Variants in SYNPR observed in about 807,000 individuals in gnomAD.
The protein encoded by SYNPR is synaptoporin.
Under a neutral mutation model 32.9 loss-of-function variants are expected in SYNPR, and 23 were observed. That is an observed-to-expected ratio of 0.70 (90% confidence interval 0.50 to 0.99). The LOEUF (loss-of-function observed/expected upper bound fraction) is 0.99. SYNPR is among the 50% of genes least tolerant of loss of function. The pLI, the probability that SYNPR is intolerant of heterozygous loss-of-function variation, is 0.00. For synonymous variants in SYNPR, 146 were observed against 135.9 expected, an observed-to-expected ratio of 1.07 and a Z score of -0.52; for missense variants, 318 against 349.3, an observed-to-expected ratio of 0.91 and a Z score of 0.71.
chr3:63,607,191 T>A (rs73120772), intron 4 of SYNPR, among the ~76,000 whole-genome samples: 15,831 of 152,180 alleles, frequency 0.1, 834 homozygotes, highest in Non-Finnish European at 0.13. Flanking sequence ...CTAACAAATA[T>A]GTACTGTCAA....
upstream of SYNPR, among the ~76,000 whole-genome samples, chr3:63,227,106 C>T (rs776465407): frequency 4.6e-5 from 7 of 152,056 alleles, no homozygotes; most frequent in Non-Finnish European, 1.0e-4. Context: ...CCTCATTCAC[C>T]CCATAGGGAC....
At chr3:63,550,303 T>C (rs1559533691) in intron 3 of SYNPR, among the ~76,000 whole-genome samples, 1 of 151,476 alleles carries the variant, frequency 6.6e-6, no homozygotes, top group African/African-American at 2.4e-5. Context: ...AGTTCTTATA[T>C]ATAAGCTCTT....
At chr3:63,542,527 C>A (rs1027098126) in intron 3 of SYNPR, among the ~76,000 whole-genome samples, 2 of 152,028 alleles carry the variant, frequency 1.3e-5, no homozygotes, top group African/African-American at 2.4e-5. Flanking sequence ...TAAGTCTGAC[C>A]TCTATTTTCC....
chr3:63,489,743 T>A (rs905924365), intron 3 of SYNPR, among the ~76,000 whole-genome samples: 10 of 152,160 alleles, frequency 6.6e-5, no homozygotes, highest in Non-Finnish European at 1.0e-4. Context: ...ATGTACATAT[T>A]TTTACAGTTG....
chr3:63,550,662 T>G (rs182746196), intron 3 of SYNPR, among the ~76,000 whole-genome samples: 187 of 152,360 alleles, frequency 1.2e-3, no homozygotes, highest in Admixed American at 4.2e-3. Context: ...AGTTTGTGCA[T>G]GTCAGCTGAA....
At chr3:63,255,994 A>G (rs558531726) in intron 2 of SYNPR, among the ~76,000 whole-genome samples, 19 of 152,310 alleles carry the variant, frequency 1.2e-4, no homozygotes, top group African/African-American at 4.3e-4. Flanking sequence ...TCTGAGATCA[A>G]ACTGCAAGGC....
chr3:63,384,138 C>A (rs573327085), intron 2 of SYNPR, among the ~76,000 whole-genome samples: 72 of 152,334 alleles, frequency 4.7e-4, no homozygotes, highest in African/African-American at 1.7e-3. Context: ...CTAATGCCTA[C>A]TCATTTGCTC....
At chr3:63,254,807 A>G (rs1480426845) in intron 2 of SYNPR, among the ~76,000 whole-genome samples, 1 of 152,174 alleles carries the variant, frequency 6.6e-6, no homozygotes, top group South Asian at 2.1e-4. Context: ...GTTATGTATA[A>G]TTTACATATA....
intron 4 of SYNPR, among the ~76,000 whole-genome samples, chr3:63,591,099 C>G (rs1382356804): frequency 6.7e-6 from 1 of 150,110 alleles, no homozygotes; most frequent in Admixed American, 6.6e-5. Context: ...TGAACTCAAA[C>G]AAATTTACGA....
chr3:63,237,345 C>T (rs2086207586), intron 1 of SYNPR, among the ~76,000 whole-genome samples: 1 of 151,972 alleles, frequency 6.6e-6, no homozygotes, highest in Admixed American at 6.6e-5. Flanking sequence ...CCGAGGCCAA[C>T]CAGTGAGTGT....
chr3:63,459,193 C>T (rs1297477608), intron 2 of SYNPR, among the ~76,000 whole-genome samples: 1 of 152,078 alleles, frequency 6.6e-6, no homozygotes, highest in Non-Finnish European at 1.5e-5. Context: ...CCCAAATTAC[C>T]TGTCCAGATT....
chr3:63,525,774 C>T (rs934049806), intron 3 of SYNPR, among the ~76,000 whole-genome samples: 8 of 152,162 alleles, frequency 5.3e-5, no homozygotes, highest in African/African-American at 9.7e-5. Flanking sequence ...AGGGTTTGGC[C>T]ATGAACCAGG....
chr3:63,380,766 G>A (rs1455376213), intron 2 of SYNPR, among the ~76,000 whole-genome samples: 8 of 152,064 alleles, frequency 5.3e-5, no homozygotes, highest in South Asian at 2.1e-4. Context: ...ATCAATAAAC[G>A]TAATCCAGCA....
chr3:63,228,458 A>G (rs1265306640), intron 1 of SYNPR: 1 of 152,188 alleles, frequency 6.6e-6, no homozygotes, highest in African/African-American at 2.4e-5. Flanking sequence ...CTTATAAGTA[A>G]AGACAATTAA....
chr3:63,290,971 G>C (rs1467300813), intron 2 of SYNPR, among the ~76,000 whole-genome samples: 1 of 152,192 alleles, frequency 6.6e-6, no homozygotes, highest in African/African-American at 2.4e-5. Flanking sequence ...AGATAGAAGA[G>C]TTAGATTGGC....
At chr3:63,484,564 G>T (rs1330384810) in intron 3 of SYNPR, among the ~76,000 whole-genome samples, 3 of 152,108 alleles carry the variant, frequency 2.0e-5, no homozygotes, top group Non-Finnish European at 1.5e-5. Flanking sequence ...CAATGGAGAA[G>T]GGTCAGAATG....
At chr3:63,609,413 C>T in intron 5 of SYNPR, 97 bp downstream of exon 5, 1 of 1,159,520 alleles carries the variant, frequency 8.6e-7, no homozygotes, top group Non-Finnish European at 1.2e-6. Flanking sequence ...AAATTGTTGC[C>T]TACAAAACTA....
At chr3:63,254,698 A>T (rs1366881963) in intron 2 of SYNPR, among the ~76,000 whole-genome samples, 1 of 152,188 alleles carries the variant, frequency 6.6e-6, no homozygotes, top group African/African-American at 2.4e-5. Context: ...CCTTGGTACT[A>T]TGGGCCGAAT....
intron 2 of SYNPR, among the ~76,000 whole-genome samples, chr3:63,439,647 C>G (rs561431720): frequency 1.3e-5 from 2 of 152,196 alleles, no homozygotes; most frequent in South Asian, 4.1e-4. Flanking sequence ...ACAAAAGGAG[C>G]TTTCCACCAT....
Sources: allele counts gnomAD v4.1 joint callset (sites outside exome capture counted in the v4.1 genomes callset), GRCh38; gene constraint gnomAD v4.1.1; transcripts MANE v1.5; gene names NCBI Gene and HGNC (gene_info 2026-07-23, HGNC 2026-07-21).